PABIR3: variants seen among roughly 807,000 people sequenced by gnomAD.
The protein encoded by PABIR3 is PABIR family member 3.
Under a neutral mutation model 23.1 loss-of-function variants are expected in PABIR3, and 20 were observed. The observed-to-expected ratio is 0.86, with a 90% confidence interval of 0.61 to 1.26. The LOEUF is 1.26. Ranked by LOEUF, PABIR3 falls within the 50% of genes most tolerant of loss-of-function variation. PABIR3 has a pLI of 0.00. For missense variants in PABIR3, 189 were observed against 195.4 expected (o/e 0.97, Z 0.20); for synonymous variants, 69 against 68.5 (o/e 1.01, Z -0.04).
intron 4 of PABIR3, chrX:134,838,635 T>A (rs1204910965): frequency 1.8e-4 from 6 of 33,527 alleles, no homozygotes; most frequent in Admixed American, 1.2e-3. Flanking sequence ...ATCATTTTCC[T>A]CCCTCTCCCT....
At chrX:134,818,047 G>A (rs947390680) in intron 3 of PABIR3, among the ~76,000 whole-genome samples, 4 of 111,770 alleles carry the variant, frequency 3.6e-5, no homozygotes, top group Non-Finnish European at 7.5e-5. Flanking sequence ...GTGGGAAACA[G>A]TGGAGGCAAA....
intron 3 of PABIR3, chrX:134,821,383 A>G (rs372203698): frequency 2.6e-6 from 3 of 1,151,538 alleles, no homozygotes; most frequent in Non-Finnish European, 3.4e-6. Flanking sequence ...TCTGACCTTG[A>G]GACTATGCCT....
At chrX:134,833,203 A>G (rs1387830561) in intron 4 of PABIR3, 1 of 111,692 alleles carries the variant, frequency 9.0e-6, no homozygotes, top group Non-Finnish European at 1.9e-5. Context: ...AAAACATGGA[A>G]TATAGAATCT....
chrX:134,852,780 G>A lies in PABIR3; in HGVS notation c.590-20G>A. 2 of 993,220 alleles carry A rather than the reference G, an allele frequency of 2.0e-6. No individual in the cohort carries two copies. Among genetic ancestry groups the A allele is most frequent in the South Asian group, 5.3e-5 (2 of 37,524 alleles). The allele number at this position is 993,220 out of a possible 1,213,427, so 81.9% of individuals were successfully genotyped here. On this transcript the variant is annotated intron_variant, in intron 9 of 10. Transcript: ENST00000645433. Reference sequence around the variant, plus strand: ...ACATGTTAAATAAAACATCTACCTTGATCTGCTGTATTGTCATAGGTGAAA... The same window carrying A: ...ACATGTTAAATAAAACATCTACCTTAATCTGCTGTATTGTCATAGGTGAAA...
chrX:134,799,920 A>G (rs1223465803), intron 1 of PABIR3: 1 of 110,101 alleles, frequency 9.1e-6, no homozygotes, highest in African/African-American at 3.3e-5. Context: ...GTGAGCTGAG[A>G]TCACACCACT....
At chrX:134,837,239 G>A (rs1358068676) in intron 4 of PABIR3, among the ~76,000 whole-genome samples, 2 of 109,999 alleles carry the variant, frequency 1.8e-5, no homozygotes, top group African/African-American at 3.3e-5. Flanking sequence ...CCAGCTACTC[G>A]GGAGGCTGAG....
chrX:134,845,448 T>C, intron 6 of PABIR3, 47 bp downstream of exon 6: 1 of 990,001 alleles, frequency 1.0e-6, no homozygotes, highest in Non-Finnish European at 1.4e-6. Context: ...AAATTTTTAC[T>C]GACTTACAGT....
At chrX:134,820,930 G>A (rs1376298540) in intron 3 of PABIR3, among the ~76,000 whole-genome samples, 1 of 108,175 alleles carries the variant, frequency 9.2e-6, no homozygotes, top group Non-Finnish European at 1.9e-5. Context: ...GCTGAGGCAG[G>A]AGAATCTCTT....
chrX:134,826,985 G>T (rs771193787), intron 3 of PABIR3, among the ~76,000 whole-genome samples: 1 of 111,034 alleles, frequency 9.0e-6, no homozygotes, highest in African/African-American at 3.3e-5. Flanking sequence ...TTTGGAGATG[G>T]TGTCTTGCTC....
chrX:134,810,444 A>C (rs769689217), intron 2 of PABIR3: 103 of 753,365 alleles, frequency 1.4e-4, no homozygotes, highest in Non-Finnish European at 1.6e-4. Context: ...CAGAAACCAC[A>C]AAGTGGACGG....
chrX:134,841,256 C>T (rs1004218989), intron 4 of PABIR3, among the ~76,000 whole-genome samples: 1 of 110,898 alleles, frequency 9.0e-6, no homozygotes, highest in South Asian at 3.8e-4. Context: ...AGCCACTGTG[C>T]GTGGCCAAAT....
At chrX:134,796,465 C>A, upstream of PABIR3, 7 of 310,341 alleles carry the variant, frequency 2.3e-5, no homozygotes, top group South Asian at 7.3e-5. Context: ...TGGAAGGTGA[C>A]AGAATGAAGG....
chrX:134,810,406 A>G (rs1177641313), intron 2 of PABIR3: 1 of 754,617 alleles, frequency 1.3e-6, no homozygotes, highest in East Asian at 1.5e-4. Flanking sequence ...GGTCACTAGC[A>G]TATTTCTGTA....
In PABIR3 at chrX:134,810,817, A is replaced by G. The variant is rs2080613128; in HGVS notation, c.110+3109A>G. 4 of 750,207 alleles carry G rather than the reference A, an allele frequency of 5.3e-6. No individual in the cohort carries two copies. In the Admixed American group the frequency reaches 3.6e-4, roughly 68 times the overall value. 61.8% of individuals were successfully genotyped at this position (750,207 alleles called of 1,213,427 possible). A position where few individuals can be genotyped will look rare whatever the true frequency, so the allele number is the denominator to read the frequency against. ...TCACTAGCATATTTCTTTAGTAGGA[A>G]TTAAAGATATAGAAACCACAAAGTG... is the stretch of plus-strand genomic sequence containing the variant. On this transcript the variant is annotated intron_variant, in intron 2 of 10. Coordinates refer to ENST00000645433, the MANE Select transcript of PABIR3 (RefSeq NM_001388447.1).
intron 1 of PABIR3, among the ~76,000 whole-genome samples, chrX:134,798,416 G>A (rs370257667): frequency 2.7e-5 from 3 of 112,341 alleles, no homozygotes; most frequent in African/African-American, 9.7e-5. Context: ...TGCAGAAAGA[G>A]GTCATGCTGC....
chrX:134,833,577 T>A (rs1219587747), intron 4 of PABIR3, among the ~76,000 whole-genome samples: 7 of 111,453 alleles, frequency 6.3e-5, no homozygotes. Context: ...CCAGGATACA[T>A]GGGCAGAATG....
intron 4 of PABIR3, 150 bp downstream of exon 4, chrX:134,829,432 CAA>C: frequency 2.1e-6 from 1 of 465,541 alleles, no homozygotes; most frequent in Non-Finnish European, 3.4e-6. Flanking sequence ...AAAAAAAAAA[CAA>C]AACTAAGAAG....
intron 3 of PABIR3, among the ~76,000 whole-genome samples, chrX:134,823,559 GTACATATA>G (rs771546008): frequency 3.5e-4 from 39 of 111,457 alleles, no homozygotes; most frequent in African/African-American, 9.1e-4. Context: ...TGTATTCTAT[GTACATATA>G]TACATATATA....
upstream of PABIR3, chrX:134,804,226 C>G: frequency 8.7e-7 from 1 of 1,151,395 alleles, no homozygotes; most frequent in Non-Finnish European, 1.2e-6. Context: ...ACTGGAAGGA[C>G]TGATCAAGAA....
Sources: gnomAD v4.1 joint callset for allele counts (sites outside exome capture counted in the v4.1 genomes callset) on GRCh38, gnomAD v4.1.1 for gene constraint, MANE v1.5 for transcripts, NCBI Gene and HGNC (gene_info 2026-07-23, HGNC 2026-07-21) for gene names.